Variants in TBC1D32 observed in about 807,000 individuals in gnomAD.
TBC1D32 encodes protein broad-minded.
A neutral mutation model predicts 170.3 loss-of-function variants in TBC1D32; 151 were observed. The observed-to-expected ratio is 0.89, with a 90% confidence interval of 0.78 to 1.01. The LOEUF is 1.01. Among genes scored for constraint, TBC1D32 ranks in the 50% least tolerant of loss-of-function variants. TBC1D32 has a pLI of 0.00. For synonymous variants in TBC1D32, 498 were observed against 488.0 expected, an observed-to-expected ratio of 1.02 and a Z score of -0.27; for missense variants, 1,464 against 1,457.1, an observed-to-expected ratio of 1.00 and a Z score of -0.08.
intron 4 of TBC1D32, among the ~76,000 whole-genome samples, chr6:121,308,756 C>T (rs889556065): frequency 7.5e-6 from 1 of 133,036 alleles, no homozygotes; most frequent in African/African-American, 3.0e-5. Context: ...ACTGCAGTGG[C>T]GCAATCTCGG....
chr6:121,318,909 A>G (rs77825378), intron 2 of TBC1D32, among the ~76,000 whole-genome samples: 1,869 of 151,310 alleles, frequency 0.012, 38 homozygotes, highest in African/African-American at 0.043. Context: ...TCTATAAATC[A>G]AAAGAAGAAA....
chr6:121,112,672 G>A lies in TBC1D32; in HGVS notation c.3170-13C>T. 1 of 1,537,136 alleles carries A rather than the reference G, an allele frequency of 6.5e-7. No individual in the cohort carries two copies. Among genetic ancestry groups the A allele is most frequent in the South Asian group, 1.4e-5 (1 of 74,020 alleles). On this transcript the variant is annotated splice_polypyrimidine_tract_variant and intron_variant, in intron 28 of 31. Coordinates refer to ENST00000398212, the MANE Select transcript of TBC1D32 (RefSeq NM_152730.6). ...CCTTGCAGGCAGACTGAAAAACACA[G>A]TTAAGAAAACTTTACAATATTTTGT...
intron 15 of TBC1D32, among the ~76,000 whole-genome samples, chr6:121,275,987 T>C (rs117515123): frequency 0.024 from 3,624 of 151,638 alleles, 161 homozygotes; most frequent in East Asian, 0.12. Flanking sequence ...GGCAAGGTGG[T>C]GCACACCTAT....
chr6:121,186,753 A>G (rs1427181185), intron 22 of TBC1D32, among the ~76,000 whole-genome samples: 2 of 152,120 alleles, frequency 1.3e-5, no homozygotes, highest in East Asian at 1.9e-4. Flanking sequence ...AGTAACAAAG[A>G]AGAAATACCA....
At chr6:121,135,561 T>C (rs1781962347) in intron 24 of TBC1D32, among the ~76,000 whole-genome samples, 1 of 152,126 alleles carries the variant, frequency 6.6e-6, no homozygotes, top group South Asian at 2.1e-4. Context: ...AGGTGTCAGA[T>C]TTCAAAGAGA....
chr6:121,160,891 T>C, intron 23 of TBC1D32, 57 bp downstream of exon 23: 6 of 1,391,634 alleles, frequency 4.3e-6, no homozygotes, highest in Non-Finnish European at 6.1e-6. Flanking sequence ...GAGTTGGCTA[T>C]CTTGCTTCAA....
chr6:121,174,140 G>A (rs1787434802), intron 22 of TBC1D32, among the ~76,000 whole-genome samples: 1 of 149,320 alleles, frequency 6.7e-6, no homozygotes, highest in African/African-American at 2.5e-5. Context: ...TGAAATAGAA[G>A]AATAAAACTG....
chr6:121,331,248 A>G (rs4451168), intron 1 of TBC1D32, among the ~76,000 whole-genome samples: 134,232 of 152,148 alleles, frequency 0.88, 60,298 homozygotes, highest in South Asian at 0.98. Context: ...TCTCTCTGTC[A>G]CCCAGGCTGG....
intron 22 of TBC1D32, chr6:121,170,516 AC>A: frequency 6.3e-7 from 1 of 1,580,140 alleles, no homozygotes; most frequent in East Asian, 2.3e-5. Flanking sequence ...ACAGCATATC[AC>A]ACTTAATAAC....
At chr6:121,087,137 CTTG>C (rs892984532) in intron 31 of TBC1D32, among the ~76,000 whole-genome samples, 46 of 152,296 alleles carry the variant, frequency 3.0e-4, no homozygotes, top group Non-Finnish European at 5.3e-4. Flanking sequence ...AGCCCACATT[CTTG>C]TTGTGTCTAA....
At chr6:121,210,773 A>G (rs1290856000) in intron 21 of TBC1D32, among the ~76,000 whole-genome samples, 2 of 152,228 alleles carry the variant, frequency 1.3e-5, no homozygotes, top group Non-Finnish European at 2.9e-5. Context: ...GAATGAGAGA[A>G]ATATGGTATA....
intron 24 of TBC1D32, among the ~76,000 whole-genome samples, chr6:121,152,342 C>T (rs984696644): frequency 3.9e-5 from 6 of 152,148 alleles, no homozygotes; most frequent in Admixed American, 2.0e-4. Flanking sequence ...TCTCTTCTGG[C>T]TTGTAGGGTT....
rs1395524348 is a variant in TBC1D32 at position 121,317,499 on chromosome 6, T to C, written c.491A>G (p.Asn164Ser). 3 of 1,593,394 alleles carry C rather than the reference T, an allele frequency of 1.9e-6. No homozygotes were observed. The highest frequency in any genetic ancestry group is 1.2e-5 in the South Asian group (1 of 86,808). Residue 164 changes from asparagine to serine, a missense_variant, in exon 3 of 32, where the codon AAT (asparagine) becomes AGT (serine). This residue lies in a region of TBC1D32 where 1,363 missense variants were observed against 1,338.1 expected (regional missense o/e 1.02). Transcript: ENST00000398212. ...DNCSDSDSSL[N>S]QSYKFCQGKL... The stretch of plus-strand genomic sequence containing the variant: ...ATGCAAAACTGAACAACACACCTGA[T>C]TCAATGATGAATCACTATCAGAGCA...
At chr6:121,257,248 T>C (rs1366418716) in intron 15 of TBC1D32, among the ~76,000 whole-genome samples, 1 of 152,184 alleles carries the variant, frequency 6.6e-6, no homozygotes, top group Non-Finnish European at 1.5e-5. Flanking sequence ...GTTTCCTTTT[T>C]TTTTCCTTGG....
intron 15 of TBC1D32, among the ~76,000 whole-genome samples, chr6:121,270,670 T>C (rs1254860915): frequency 6.6e-6 from 1 of 152,098 alleles, no homozygotes; most frequent in African/African-American, 2.4e-5. Context: ...ACAGCCAAAA[T>C]CTACCAGAAG....
rs538897052 is a variant in TBC1D32 at position 121,282,448 on chromosome 6, G to A, written c.1466-762C>T. On this transcript the variant is annotated intron_variant, in intron 13 of 31. Coordinates refer to ENST00000398212, the MANE Select transcript of TBC1D32 (RefSeq NM_152730.6). Reference sequence around the variant, plus strand: ...CACTGTATGTCTATGCATTATTGGTGTGTTTTATTATTAAGTGTTTTACTT... The same window carrying A: ...CACTGTATGTCTATGCATTATTGGTATGTTTTATTATTAAGTGTTTTACTT... Among the ~76,000 whole-genome samples the A allele has an allele frequency of 4.0e-5, 6 of 150,982 alleles. No homozygotes were observed. The South Asian group carries it at 1.2e-3, about 31-fold the overall frequency.
At chr6:121,282,300 C>A (rs1427634420) in intron 13 of TBC1D32, among the ~76,000 whole-genome samples, 1 of 151,604 alleles carries the variant, frequency 6.6e-6, no homozygotes, top group East Asian at 1.9e-4. Flanking sequence ...GGAATCATCA[C>A]TGAATTAAAT....
At chr6:121,295,997 G>A (rs1298624909) in intron 10 of TBC1D32, among the ~76,000 whole-genome samples, 1 of 152,092 alleles carries the variant, frequency 6.6e-6, no homozygotes, top group Non-Finnish European at 1.5e-5. Flanking sequence ...TTTCCTTCTA[G>A]GAGTCTTGGA....
intron 25 of TBC1D32, among the ~76,000 whole-genome samples, chr6:121,128,823 G>A (rs571637890): frequency 2.9e-4 from 44 of 152,168 alleles, no homozygotes; most frequent in African/African-American, 1.0e-3. Flanking sequence ...TCTGAAGGTC[G>A]GTATCCCTGA....
Sources: gnomAD v4.1 joint callset for allele counts (sites outside exome capture counted in the v4.1 genomes callset) on GRCh38, gnomAD v4.1.1 for gene constraint, gnomAD v4.1.1 regional missense constraint, MANE v1.5 for transcripts, NCBI Gene and HGNC (gene_info 2026-07-23, HGNC 2026-07-21) for gene names.